The following LRGUK variants were observed in gnomAD, a reference collection of about 807,000 sequenced individuals.
LRGUK encodes the protein leucine rich repeats and guanylate kinase domain containing.
Under a neutral mutation model 76.0 loss-of-function variants are expected in LRGUK, and 65 were observed. The ratio of observed to expected loss-of-function variants is 0.85; its 90% CI spans 0.70 to 1.05. The LOEUF (loss-of-function observed/expected upper bound fraction) is 1.05. LRGUK is among the 50% of genes least tolerant of loss of function. The probability of loss-of-function intolerance (pLI) is 0.00; values close to 1 mark genes in which losing one functional copy is unlikely to be tolerated. For synonymous variants in LRGUK, 268 were observed against 265.6 expected (o/e 1.01, Z -0.09); for missense variants, 758 against 732.8 (o/e 1.03, Z -0.40).
chr7:134,136,139 T>C (rs1279350984), intron 1 of LRGUK, among the ~76,000 whole-genome samples: 1 of 152,222 alleles, frequency 6.6e-6, no homozygotes, highest in African/African-American at 2.4e-5. Flanking sequence ...ATGTTTTGTG[T>C]TCTCATGTTG....
At chr7:134,253,959 G>T (rs150412451) in intron 18 of LRGUK, among the ~76,000 whole-genome samples, 3 of 152,090 alleles carry the variant, frequency 2.0e-5, no homozygotes, top group Non-Finnish European at 2.9e-5. Flanking sequence ...ACAACAAAAG[G>T]GTTAATATTC....
At chr7:134,159,625 C>G (rs1798637170) in intron 6 of LRGUK, among the ~76,000 whole-genome samples, 1 of 152,098 alleles carries the variant, frequency 6.6e-6, no homozygotes, top group Admixed American at 6.6e-5. Flanking sequence ...TCCGTCTCTA[C>G]TAAAAATACA....
intron 16 of LRGUK, among the ~76,000 whole-genome samples, chr7:134,240,337 A>T (rs1802113699): frequency 6.6e-6 from 1 of 152,222 alleles, no homozygotes; most frequent in Non-Finnish European, 1.5e-5. Flanking sequence ...ACTAGAATAA[A>T]CAGTGTAGAG....
the LRGUK span, among the ~76,000 whole-genome samples, chr7:134,271,054 C>T: frequency 6.6e-6 from 1 of 151,950 alleles, no homozygotes; most frequent in Non-Finnish European, 1.5e-5. Context: ...TGAATTTCTC[C>T]AATTGTCAAG....
At chr7:134,128,996 G>A (rs1443686246) in intron 1 of LRGUK, among the ~76,000 whole-genome samples, 2 of 151,128 alleles carry the variant, frequency 1.3e-5, no homozygotes, top group African/African-American at 4.9e-5. Flanking sequence ...TATAAATTGC[G>A]TGAAATTCTT....
intron 16 of LRGUK, among the ~76,000 whole-genome samples, chr7:134,241,461 C>T (rs1585593139): frequency 1.3e-5 from 2 of 152,114 alleles, no homozygotes; most frequent in South Asian, 4.1e-4. Flanking sequence ...ACAAAGAAAG[C>T]CATTACATAA....
At chr7:134,257,261 G>A (rs900184874) in intron 18 of LRGUK, among the ~76,000 whole-genome samples, 4 of 152,168 alleles carry the variant, frequency 2.6e-5, no homozygotes, top group Non-Finnish European at 5.9e-5. Context: ...AGCCATTTTC[G>A]TGTGATCAAT....
At chr7:134,217,212 T>A (rs780000360) in intron 15 of LRGUK, among the ~76,000 whole-genome samples, 14 of 151,392 alleles carry the variant, frequency 9.2e-5, no homozygotes, top group Non-Finnish European at 1.6e-4. Flanking sequence ...ATTGGAACAT[T>A]CTTGATGCAA....
chr7:134,225,228 G>A (rs1008674244), intron 16 of LRGUK, among the ~76,000 whole-genome samples: 18 of 151,978 alleles, frequency 1.2e-4, no homozygotes, highest in African/African-American at 4.4e-4. Context: ...ACTGGAGAGA[G>A]GAGAGGATAA....
chr7:134,261,326 A>G (rs962521681), intron 19 of LRGUK, among the ~76,000 whole-genome samples: 3 of 151,630 alleles, frequency 2.0e-5, no homozygotes, highest in Admixed American at 1.3e-4. Context: ...TTTTGTTTTC[A>G]TCTTTTTATC....
chr7:134,274,342 G>T, the LRGUK span, among the ~76,000 whole-genome samples: 8 of 152,192 alleles, frequency 5.3e-5, no homozygotes, highest in Non-Finnish European at 1.0e-4. Flanking sequence ...TTACAATAAA[G>T]AAATAAAAGT....
At chr7:134,138,329 T>C (rs959035173) in intron 2 of LRGUK, among the ~76,000 whole-genome samples, 4 of 152,204 alleles carry the variant, frequency 2.6e-5, no homozygotes, top group African/African-American at 9.6e-5. Context: ...ATTTGAGATA[T>C]TACACGTTGA....
At chr7:134,269,721 G>A in the LRGUK span, among the ~76,000 whole-genome samples, 1 of 152,076 alleles carries the variant, frequency 6.6e-6, no homozygotes. Flanking sequence ...TATTTCTTGA[G>A]CAAATAAAAT....
intron 16 of LRGUK, among the ~76,000 whole-genome samples, chr7:134,240,274 G>A (rs945553306): frequency 6.6e-6 from 1 of 152,192 alleles, no homozygotes; most frequent in Non-Finnish European, 1.5e-5. Flanking sequence ...GAGGATGCTG[G>A]AACCCATTGC....
intron 19 of LRGUK, among the ~76,000 whole-genome samples, chr7:134,260,493 G>T (rs1217861654): frequency 3.3e-5 from 5 of 152,180 alleles, no homozygotes; most frequent in Admixed American, 1.3e-4. Context: ...CTAGCTCAGC[G>T]CTGCAGAGGA....
chr7:134,232,631 T>C (rs1801930092), intron 16 of LRGUK, among the ~76,000 whole-genome samples: 1 of 152,164 alleles, frequency 6.6e-6, no homozygotes, highest in Admixed American at 6.5e-5. Context: ...CCTAAATAAT[T>C]TGTCTTTGTT....
chr7:134,137,013 T>A lies in LRGUK; in HGVS notation c.298-10T>A. On this transcript the variant is annotated splice_polypyrimidine_tract_variant and intron_variant, in intron 1 of 15. Coordinates refer to ENST00000645682, the Ensembl canonical transcript of LRGUK. ...TCTTTTCTTTGTCTACCTTTCTGGG[T>A]TTTTTACAGGAGGAATTTGATGGGG... 6.2e-7 allele frequency: 1 copy of A among 1,602,216 alleles called. No individual in the cohort carries two copies. Among genetic ancestry groups the A allele is most frequent in the Non-Finnish European group, 8.5e-7 (1 of 1,170,712 alleles).
At chr7:134,227,712 T>TA (rs1346298350) in intron 16 of LRGUK, among the ~76,000 whole-genome samples, 2 of 151,812 alleles carry the variant, frequency 1.3e-5, no homozygotes, top group Non-Finnish European at 2.9e-5. Context: ...GTGGAGACAA[T>TA]AAAAAATAAC....
chr7:134,252,818 C>T (rs184533440), intron 18 of LRGUK, among the ~76,000 whole-genome samples: 39 of 152,288 alleles, frequency 2.6e-4, no homozygotes, highest in African/African-American at 8.2e-4. Context: ...ACCCCATTCC[C>T]TTACCTCCTG....
Sources: gnomAD v4.1 joint callset for allele counts (sites outside exome capture counted in the v4.1 genomes callset) on GRCh38, gnomAD v4.1.1 for gene constraint, MANE v1.5 for transcripts, NCBI Gene and HGNC (gene_info 2026-07-23, HGNC 2026-07-21) for gene names.